Variants in TENM2 observed in about 807,000 individuals in gnomAD.
TENM2 encodes teneurin transmembrane protein 2, also known as teneurin-2.
TENM2 carries 52 observed loss-of-function variants against 245.2 expected under a neutral mutation model. The ratio of observed to expected loss-of-function variants is 0.21; its 90% confidence interval spans 0.17 to 0.27. The LOEUF (loss-of-function observed/expected upper bound fraction) is 0.27. Ranked by LOEUF, TENM2 falls within the 10% of genes least tolerant of loss-of-function variation. TENM2 has a pLI of 1.00. For synonymous variants in TENM2, 1,363 were observed against 1,438.9 expected, an observed-to-expected ratio of 0.95 and a Z score of 1.19; for missense variants, 3,046 against 3,666.8, an observed-to-expected ratio of 0.83 and a Z score of 4.37.
At chr5:168,219,122 T>G (rs1021457809) in intron 23 of TENM2, 123 bp downstream of exon 25, 14 of 946,746 alleles carry the variant, frequency 1.5e-5, no homozygotes, top group African/African-American at 5.0e-5. Flanking sequence ...TTTAATGATG[T>G]CTTATGGCCT....
chr5:168,098,373 T>G (rs1793539272), intron 9 of TENM2, among the ~76,000 whole-genome samples: 1 of 152,190 alleles, frequency 6.6e-6, no homozygotes, highest in South Asian at 2.1e-4. Flanking sequence ...AAGAAAGATG[T>G]GCTAAAAATG....
the TENM2 span, among the ~76,000 whole-genome samples, chr5:167,066,950 A>G: frequency 1.3e-5 from 2 of 152,194 alleles, no homozygotes; most frequent in African/African-American, 4.8e-5. Flanking sequence ...TATGAGTACT[A>G]TTTTATATAC....
intron 2 of TENM2, among the ~76,000 whole-genome samples, chr5:167,460,700 G>A (rs1260031295): frequency 6.6e-6 from 1 of 151,712 alleles, no homozygotes; most frequent in Non-Finnish European, 1.5e-5. Context: ...AAATGCCTCT[G>A]TAAAACACCA....
chr5:167,010,152 C>A, the TENM2 span, among the ~76,000 whole-genome samples: 1 of 152,054 alleles, frequency 6.6e-6, no homozygotes, highest in South Asian at 2.1e-4. Flanking sequence ...GAGGCCAAGG[C>A]GGGTGGATCA....
At chr5:167,060,650 CAAAAAA>C in the TENM2 span, among the ~76,000 whole-genome samples, 2 of 101,756 alleles carry the variant, frequency 2.0e-5, no homozygotes, top group Admixed American at 1.1e-4. Context: ...GACCTTCTCT[CAAAAAA>C]AAAAAAAAAA....
chr5:167,755,880 C>T (rs1040914923), intron 2 of TENM2, among the ~76,000 whole-genome samples: 3 of 152,148 alleles, frequency 2.0e-5, no homozygotes, highest in Non-Finnish European at 2.9e-5. Context: ...CATTTGCCTT[C>T]AAAGAGGGTG....
At chr5:167,498,836 G>C (rs906652216) in intron 2 of TENM2, among the ~76,000 whole-genome samples, 1 of 152,076 alleles carries the variant, frequency 6.6e-6, no homozygotes, top group African/African-American at 2.4e-5. Flanking sequence ...AGGATGATGC[G>C]TGTGGGAGCG....
chr5:167,031,484 C>G, the TENM2 span, among the ~76,000 whole-genome samples: 3 of 152,176 alleles, frequency 2.0e-5, no homozygotes, highest in African/African-American at 4.8e-5. Flanking sequence ...TACATAATTA[C>G]AATTATAACA....
At chr5:167,901,789 TGTTG>T (rs1344965525) in intron 3 of TENM2, among the ~76,000 whole-genome samples, 1 of 152,224 alleles carries the variant, frequency 6.6e-6, no homozygotes, top group Non-Finnish European at 1.5e-5. Flanking sequence ...CAGGCATTTT[TGTTG>T]CTTCAATTTT....
At chr5:168,031,554 T>C (rs1787142689) in intron 5 of TENM2, among the ~76,000 whole-genome samples, 1 of 151,920 alleles carries the variant, frequency 6.6e-6, no homozygotes, top group South Asian at 2.1e-4. Context: ...AGGTAGGAAG[T>C]TTTATGATTC....
chr5:167,247,105 C>T, the TENM2 span, among the ~76,000 whole-genome samples: 10 of 152,180 alleles, frequency 6.6e-5, no homozygotes, highest in East Asian at 1.9e-3. Flanking sequence ...AGGCTGCATG[C>T]TAGACCCTTT....
intron 2 of TENM2, among the ~76,000 whole-genome samples, chr5:167,487,104 C>T (rs953535855): frequency 4.6e-5 from 7 of 152,018 alleles, no homozygotes; most frequent in Non-Finnish European, 1.0e-4. Context: ...CATAATGGTG[C>T]GGTATAGTGG....
chr5:167,276,687 T>C, the TENM2 span, among the ~76,000 whole-genome samples: 1 of 152,110 alleles, frequency 6.6e-6, no homozygotes, highest in Non-Finnish European at 1.5e-5. Flanking sequence ...GTATAACCTA[T>C]GCACATCCTT....
chr5:167,852,697 T>G (rs141489188), intron 2 of TENM2, among the ~76,000 whole-genome samples: 60 of 152,312 alleles, frequency 3.9e-4, no homozygotes, highest in African/African-American at 1.3e-3. Flanking sequence ...ATGAGTCTTC[T>G]AGGAACCAAA....
intron 13 of TENM2, among the ~76,000 whole-genome samples, chr5:168,176,599 C>T (rs1465053394): frequency 6.6e-6 from 1 of 152,162 alleles, no homozygotes; most frequent in Non-Finnish European, 1.5e-5. Context: ...CCTTGCTTTA[C>T]TTAGTGTCTT....
chr5:168,201,362 A>G (rs1017484670), intron 17 of TENM2, among the ~76,000 whole-genome samples: 2 of 151,946 alleles, frequency 1.3e-5, no homozygotes, highest in African/African-American at 4.8e-5. Context: ...ACATATACAT[A>G]TATCTGTAGC....
At chr5:167,524,023 G>A (rs932387123) in intron 2 of TENM2, among the ~76,000 whole-genome samples, 1 of 152,100 alleles carries the variant, frequency 6.6e-6, no homozygotes, top group African/African-American at 2.4e-5. Flanking sequence ...ATACTTACTG[G>A]TTATTCATCT....
At chr5:167,343,395 G>A (rs1042947842) in intron 1 of TENM2, among the ~76,000 whole-genome samples, 3 of 152,090 alleles carry the variant, frequency 2.0e-5, no homozygotes, top group Non-Finnish European at 4.4e-5. Context: ...TGTTTGATTA[G>A]GTGTTAGCTT....
chr5:168,103,624 A>G (rs1484412220), intron 9 of TENM2, among the ~76,000 whole-genome samples: 2 of 152,156 alleles, frequency 1.3e-5, no homozygotes, highest in South Asian at 4.1e-4. Flanking sequence ...GCAAGATGCT[A>G]TGCCCTCCTC....
Sources: allele counts gnomAD v4.1 joint callset (sites outside exome capture counted in the v4.1 genomes callset), GRCh38; gene constraint gnomAD v4.1.1; transcripts MANE v1.5; gene names NCBI Gene and HGNC (gene_info 2026-07-23, HGNC 2026-07-21).